The following ENTPD1 variants were observed in gnomAD, a reference collection of about 807,000 sequenced individuals.
ENTPD1 encodes ATP diphosphohydrolase.
A neutral mutation model predicts 57.0 loss-of-function variants in ENTPD1; 33 were observed. That is an observed-to-expected ratio of 0.58 (90% CI 0.44 to 0.77). The LOEUF (loss-of-function observed/expected upper bound fraction) is 0.77, where lower values mean the gene tolerates loss of function less well. ENTPD1 is among the 30% of genes least tolerant of loss of function. The probability of loss-of-function intolerance (pLI) is 0.00; values close to 1 mark genes in which losing one functional copy is unlikely to be tolerated. For missense variants in ENTPD1, 501 were observed against 603.4 expected (o/e 0.83, Z 1.78); for synonymous variants, 202 against 218.8 (o/e 0.92, Z 0.68).
intron 1 of ENTPD1, among the ~76,000 whole-genome samples, chr10:95,817,238 C>G (rs1182071005): frequency 6.6e-6 from 1 of 152,178 alleles, no homozygotes; most frequent in Non-Finnish European, 1.5e-5. Context: ...AGAAGGCTGT[C>G]ACATGTGATT....
chr10:95,715,078 C>T (rs1446296891), intron 1 of ENTPD1, among the ~76,000 whole-genome samples: 1 of 152,136 alleles, frequency 6.6e-6, no homozygotes, highest in East Asian at 1.9e-4. Flanking sequence ...AAGGTTTATG[C>T]AATGATTCTT....
chr10:95,808,014 C>A (rs959799473), intron 1 of ENTPD1, among the ~76,000 whole-genome samples: 1 of 152,152 alleles, frequency 6.6e-6, no homozygotes, highest in African/African-American at 2.4e-5. Context: ...AAGGGGAATG[C>A]TTCCAGGTCT....
chr10:95,768,257 A>C (rs2098098653), intron 1 of ENTPD1, among the ~76,000 whole-genome samples: 1 of 152,172 alleles, frequency 6.6e-6, no homozygotes, highest in Non-Finnish European at 1.5e-5. Context: ...TCCTTTCAAA[A>C]ATTTTTGCCT....
chr10:95,797,484 A>C (rs2098231280), intron 1 of ENTPD1, among the ~76,000 whole-genome samples: 1 of 152,130 alleles, frequency 6.6e-6, no homozygotes, highest in African/African-American at 2.4e-5. Flanking sequence ...AATGCCTGAG[A>C]CTGGGTAATT....
intron 2 of ENTPD1, 150 bp downstream of exon 2, chr10:95,823,514 A>G: frequency 8.3e-7 from 1 of 1,203,430 alleles, no homozygotes; most frequent in African/African-American, 1.5e-5. Flanking sequence ...TTAGGGGAGT[A>G]AAATGGAAAT....
intron 1 of ENTPD1, among the ~76,000 whole-genome samples, chr10:95,730,679 A>T (rs1161847234): frequency 2.0e-5 from 3 of 152,210 alleles, no homozygotes; most frequent in African/African-American, 2.4e-5. Context: ...TTCTTATTTT[A>T]AAAAAGATAT....
At chr10:95,720,489 G>C (rs1252764268) in intron 1 of ENTPD1, among the ~76,000 whole-genome samples, 4 of 152,144 alleles carry the variant, frequency 2.6e-5, no homozygotes, top group Non-Finnish European at 4.4e-5. Flanking sequence ...AGGACCCCTC[G>C]GATAGTGACA....
chr10:95,799,045 A>C (rs1300944531), intron 1 of ENTPD1, among the ~76,000 whole-genome samples: 1 of 152,192 alleles, frequency 6.6e-6, no homozygotes, highest in Non-Finnish European at 1.5e-5. Context: ...AATCTATTTC[A>C]CCTGATGGAA....
chr10:95,845,698 G>C (rs1371390887), intron 6 of ENTPD1, 102 bp downstream of exon 6: 6 of 1,604,634 alleles, frequency 3.7e-6, no homozygotes, highest in Non-Finnish European at 3.4e-6. Flanking sequence ...TCTGAACTTG[G>C]TTATTGTACT....
At chr10:95,744,170 C>T (rs775150523) in intron 1 of ENTPD1, among the ~76,000 whole-genome samples, 3 of 151,778 alleles carry the variant, frequency 2.0e-5, no homozygotes, top group Admixed American at 2.0e-4. Context: ...TGTCTATAAC[C>T]TTCCACTCTA....
At chr10:95,807,171 C>T (rs914341506) in intron 1 of ENTPD1, among the ~76,000 whole-genome samples, 6 of 152,188 alleles carry the variant, frequency 3.9e-5, no homozygotes, top group South Asian at 2.1e-4. Context: ...CTGCCCAGTT[C>T]GCACTTCCAG....
the ENTPD1 span, among the ~76,000 whole-genome samples, chr10:95,698,658 C>T: frequency 6.6e-6 from 1 of 152,228 alleles, no homozygotes; most frequent in Non-Finnish European, 1.5e-5. Flanking sequence ...AGGCTCACTG[C>T]CCAGGGCCAC....
In ENTPD1 at chr10:95,840,667, C is replaced by A. The variant is rs532003805; in HGVS notation, c.262+859C>A. Among the ~76,000 whole-genome samples, 26 of 152,298 alleles carry A rather than the reference C, an allele frequency of 1.7e-4. No individual in the cohort carries two copies. In the South Asian group the frequency reaches 5.2e-3, roughly 30 times the overall value. ...ACTCTAGGTTTCCTGCTACTCTGAG[C>A]TGCTGCATTATATATCAATAATTTT... On this transcript the variant is annotated intron_variant, in intron 3 of 9. Transcript: ENST00000371205.
intron 1 of ENTPD1, among the ~76,000 whole-genome samples, chr10:95,735,048 T>A (rs1851786739): frequency 7.9e-6 from 1 of 127,152 alleles, no homozygotes. Context: ...TTTTTTTTTT[T>A]AGACAGAGTC....
chr10:95,759,202 G>A lies in ENTPD1; in HGVS notation c.16+2947G>A, dbSNP rs528717280. Among the ~76,000 whole-genome samples, 104 of 152,328 alleles carry A rather than the reference G, an allele frequency of 6.8e-4. 1 individual carries two copies. The highest frequency in any genetic ancestry group is 2.4e-3 in the African/African-American group (99 of 41,580). On this transcript the variant is annotated intron_variant, in intron 1 of 9. Coordinates refer to ENST00000371205, the MANE Select transcript of ENTPD1 (RefSeq NM_001776.6). The stretch of plus-strand genomic sequence containing the variant: ...AGGGGACCTTTGAGTTTGCAGTAGG[G>A]TTCCCCACTGGTACATATAGATCTT...
rs1647484593 is a variant in ENTPD1 at position 95,871,356 on chromosome 10, T to A, written c.*4973T>A. On this transcript the variant is annotated 3_prime_UTR_variant, in exon 10 of 10. Transcript: ENST00000371205. ...CATTACTTCTAAGACATCATCAGTC[T>A]GCAACTTCTTTCCATAGCCTTAATC... 4.1e-6 allele frequency: 4 copies of A among 985,330 alleles called. No homozygotes were observed. The highest frequency in any genetic ancestry group is 4.8e-6 in the Non-Finnish European group (4 of 829,900). 61.0% of individuals were successfully genotyped at this position (985,330 alleles called of 1,614,324 possible). A position where few individuals can be genotyped will look rare whatever the true frequency, so the allele number is the denominator to read the frequency against.
Position 95,841,725 on chromosome 10 carries a change from T to C in ENTPD1, c.263-619T>C, listed in dbSNP as rs1307401139. Among the ~76,000 whole-genome samples, 4 of 152,236 alleles carry C rather than the reference T, an allele frequency of 2.6e-5. No individual in the cohort carries two copies. In the East Asian group the frequency reaches 7.7e-4, roughly 29 times the overall value. ...CAAAAAGCTTAAGGAATCTTGGCTC[T>C]AATCCTCCATAGCAACAGTCGGTTT... On this transcript the variant is annotated intron_variant, in intron 3 of 9. Transcript: ENST00000371205.
At position 95,867,622 on chromosome 10, in the gene ENTPD1, C is replaced by T; in HGVS notation, c.*1239C>T. 1 of 985,432 alleles carries T rather than the reference C, an allele frequency of 1.0e-6. No individual in the cohort carries two copies. The highest frequency in any genetic ancestry group is 4.7e-5 in the South Asian group (1 of 21,284). The allele number at this position is 985,432 out of a possible 1,614,324, so 61.0% of individuals were successfully genotyped here. On this transcript the variant is annotated 3_prime_UTR_variant, in exon 10 of 10. Transcript: ENST00000371205. Reference sequence around the variant, plus strand: ...CAACATGGGCTTTGTTTGCTTATTCCATGAAGCAGCAGCTATAGACCTTAC... The same window carrying T: ...CAACATGGGCTTTGTTTGCTTATTCTATGAAGCAGCAGCTATAGACCTTAC...
At chr10:95,853,145 A>G (rs925567027) in intron 7 of ENTPD1, among the ~76,000 whole-genome samples, 1 of 152,154 alleles carries the variant, frequency 6.6e-6, no homozygotes, top group African/African-American at 2.4e-5. Context: ...GAGGTCCTTC[A>G]CATCCCTTGT....
Sources: gnomAD v4.1 joint callset for allele counts (sites outside exome capture counted in the v4.1 genomes callset) on GRCh38, gnomAD v4.1.1 for gene constraint, MANE v1.5 for transcripts, NCBI Gene and HGNC (gene_info 2026-07-23, HGNC 2026-07-21) for gene names.